TIE1: variants seen among roughly 807,000 people sequenced by gnomAD.
The protein encoded by TIE1 is tyrosine kinase with immunoglobulin like and EGF like domains 1, also known as tyrosine-protein kinase receptor Tie-1.
Under a neutral mutation model 130.5 loss-of-function variants are expected in TIE1, and 89 were observed. The observed-to-expected ratio is 0.68, with a 90% CI of 0.57 to 0.81. The LOEUF (loss-of-function observed/expected upper bound fraction) is 0.81. TIE1 is among the 40% of genes least tolerant of loss of function. The pLI, the probability that TIE1 is intolerant of heterozygous loss-of-function variation, is 0.00. For missense variants in TIE1, 1,392 were observed against 1,559.8 expected, an observed-to-expected ratio of 0.89 and a Z score of 1.81; for synonymous variants, 568 against 629.4, an observed-to-expected ratio of 0.90 and a Z score of 1.46.
chr1:43,307,347 T>G lies in TIE1; in HGVS notation c.772+74T>G, dbSNP rs2153910749. ...GGAGAAGACCCTAGAACCATGTGGGTGGAGCTTGGAGGGTAAGGGCGACAG... is the reference window on the plus strand; with the variant it reads ...GGAGAAGACCCTAGAACCATGTGGGGGGAGCTTGGAGGGTAAGGGCGACAG... On this transcript the variant is annotated intron_variant, in intron 5 of 22. Coordinates refer to ENST00000372476, the MANE Select transcript of TIE1 (RefSeq NM_005424.5). The surrounding 1 kb of genome is among the most constrained non-coding windows in gnomAD (Gnocchi z 5.4). 9 of 1,611,282 alleles carry G rather than the reference T, an allele frequency of 5.6e-6. No homozygotes were observed. The highest frequency in any genetic ancestry group is 7.6e-6 in the Non-Finnish European group (9 of 1,178,134).
At chr1:43,310,621 G>A (rs999325911) in intron 9 of TIE1, among the ~76,000 whole-genome samples, 10 of 152,236 alleles carry the variant, frequency 6.6e-5, no homozygotes, top group African/African-American at 2.4e-4. Context: ...CAGATCATTT[G>A]GTGGGGACTC....
Position 43,312,000 on chromosome 1 carries a change from C to T in TIE1, c.1499C>T (p.Pro500Leu), listed in dbSNP as rs928276112. Reference sequence around the variant, plus strand: ...CTTTACACCCCACGCCCAGTGGACCCCAGTGAGAACGTGACGTTAATGAAC... The same window carrying T: ...CTTTACACCCCACGCCCAGTGGACCTCAGTGAGAACGTGACGTTAATGAAC... ...TMDWSTIVVDPSENVTLMNLR... is the reference protein window; with the variant it reads ...TMDWSTIVVDLSENVTLMNLR... The change falls in exon 11 of 23, where the codon CCC becomes CTC. Residue 500 changes from proline to leucine, a missense_variant. Pro to Leu is a moderately conservative substitution (Grantham distance 98, BLOSUM62 -3). Coordinates refer to ENST00000372476, the MANE Select transcript of TIE1 (RefSeq NM_005424.5). 1 of 1,589,398 alleles carries T rather than the reference C, an allele frequency of 6.3e-7. No individual in the cohort carries two copies. The highest frequency in any genetic ancestry group is 1.3e-5 in the African/African-American group (1 of 74,370).
chr1:43,313,260 G>A lies in TIE1; in HGVS notation c.2053G>A (p.Gly685Arg), dbSNP rs909611493. 14 of 1,614,026 alleles carry A rather than the reference G, an allele frequency of 8.7e-6. No homozygotes were observed. Among genetic ancestry groups the A allele is most frequent in the Admixed American group, 1.7e-5 (1 of 60,014 alleles). Residue 685 changes from glycine (G) to arginine (R), a missense_variant, in exon 13 of 23, where the codon GGG (glycine) becomes AGG (arginine). Gly to Arg is a moderately radical substitution (Grantham distance 125). Around this residue, in one of 6 missense-constraint regions of TIE1, gnomAD observed 551 missense variants for 565.5 expected, o/e 0.97. Transcript: ENST00000372476. This position sits in a 1 kb window ranked among gnomAD's most constrained non-coding sequence, Gnocchi z 6.2. The part of the protein sequence containing the change: ...SKYVVEVQVA[G>R]GAGDPLWIDV... ...GTACGTTGTGGAGGTGCAGGTGGCT[G>A]GGGGTGCAGGAGACCCACTGTGGAT...
rs777494929 is a variant in TIE1 at position 43,317,272 on chromosome 1, C to T, written c.2483C>T (p.Pro828Leu). The T allele has an allele frequency of 1.9e-6, 3 of 1,614,198 alleles. No homozygotes were observed. In the Admixed American group the frequency reaches 5.0e-5, roughly 27 times the overall value. The change falls in exon 15 of 23, where the codon CCC (proline) becomes CTC (leucine). Residue 828 changes from proline to leucine, a missense_variant. Around this residue, in one of 6 missense-constraint regions of TIE1, gnomAD observed 286 missense variants for 354.4 expected, o/e 0.81. Coordinates refer to ENST00000372476, the MANE Select transcript of TIE1 (RefSeq NM_005424.5). This position sits in a 1 kb window ranked among gnomAD's most constrained non-coding sequence, Gnocchi z 5.1. ...CGGCGGCCAAAACTGCAGCCCGAGCCCCTGAGCTACCCAGTGCTAGAGTGG... is the reference window on the plus strand; with the variant it reads ...CGGCGGCCAAAACTGCAGCCCGAGCTCCTGAGCTACCCAGTGCTAGAGTGG... The part of the protein sequence containing the change: ...LTRRPKLQPE[P>L]LSYPVLEWED...
chr1:43,310,408 A>G (rs1646777335), intron 9 of TIE1, among the ~76,000 whole-genome samples: 1 of 152,308 alleles, frequency 6.6e-6, no homozygotes, highest in African/African-American at 2.4e-5. Flanking sequence ...TGAAATGGGG[A>G]TAGCTAGCAC....
rs149631384 is a variant in TIE1, at chr1:43,313,207, C to T, written c.2000C>T (p.Pro667Leu). The change falls in exon 13 of 23, where the codon CCG becomes CTG. Residue 667 changes from proline to leucine, a missense_variant. Pro to Leu is a moderately conservative substitution (Grantham distance 98). Around this residue, in one of 6 missense-constraint regions of TIE1, gnomAD observed 551 missense variants for 565.5 expected, o/e 0.97. Transcript: ENST00000372476. The surrounding 1 kb of genome is among the most constrained non-coding windows in gnomAD (Gnocchi z 6.2). ...GAGATCCAGCTGACATGGAAGCACC[C>T]GGAGGCTCTGCCTGGGCCAATATCC... ...DSEIQLTWKH[P>L]EALPGPISKY... 6.2e-6 allele frequency: 10 copies of T among 1,613,788 alleles called. No homozygotes were observed. Among genetic ancestry groups the T allele is most frequent in the Non-Finnish European group, 8.5e-6 (10 of 1,179,898 alleles).
Position 43,321,661 on chromosome 1 carries a change from A to T in TIE1, c.3291A>T (p.Arg1097=), listed in dbSNP as rs111252191. 1.3e-6 allele frequency: 2 copies of T among 1,552,228 alleles called. No homozygotes were observed. Among genetic ancestry groups the T allele is most frequent in the East Asian group, 2.4e-5 (1 of 41,062 alleles). ...RQCWRDRPYE[R]PPFAQIALQL... ...GCTGGCGGGACCGTCCCTATGAGCG[A>T]CCCCCCTTTGCCCAGATTGCGCTAC... Residue 1097 remains arginine, a synonymous_variant, in exon 22 of 23, where the codon CGA becomes CGT. Coordinates refer to ENST00000372476, the MANE Select transcript of TIE1 (RefSeq NM_005424.5).
At chr1:43,310,117 C>T (rs532103206) in intron 9 of TIE1, among the ~76,000 whole-genome samples, 1 of 152,148 alleles carries the variant, frequency 6.6e-6, no homozygotes, top group Non-Finnish European at 1.5e-5. Flanking sequence ...CCCTGCCACC[C>T]CCTGACCCTG....
Position 43,305,113 on chromosome 1 carries a change from CG to C in TIE1, c.323del (p.Gly108ValfsTer29), listed in dbSNP as rs1217222120. On this transcript the variant is annotated frameshift_variant, in exon 2 of 23. Coordinates refer to ENST00000372476, the MANE Select transcript of TIE1 (RefSeq NM_005424.5). LOFTEE classifies it high-confidence loss of function. Reference sequence around the variant, plus strand: ...TCGTGGGCGTCTTCTCCTGCGTGGGCGGTGCTGGGGCGCGGCGCACGCGCGT... The same window carrying C: ...TCGTGGGCGTCTTCTCCTGCGTGGGCGTGCTGGGGCGCGGCGCACGCGCGT... ...DLVGVFSCVG[G>X]AGARRTRVIY... 6.2e-7 allele frequency: 1 copy of C among 1,613,354 alleles called. No individual in the cohort carries two copies. Among genetic ancestry groups the C allele is most frequent in the Non-Finnish European group, 8.5e-7 (1 of 1,179,720 alleles).
At chr1:43,304,181 C>T (rs1646698967) in intron 1 of TIE1, among the ~76,000 whole-genome samples, 1 of 152,216 alleles carries the variant, frequency 6.6e-6, no homozygotes, top group Non-Finnish European at 1.5e-5. Context: ...AGGATCCTCC[C>T]ACCTCTGCCT....
rs1378901160 is a variant in TIE1 at position 43,313,775 on chromosome 1, C to T, written c.2219-3C>T. ...CACAATCTGCCCCTCTCACTGTGTC[C>T]AGGGCTGCAGGCTGAGGGCCCAGTC... is the stretch of plus-strand genomic sequence containing the variant. On this transcript the variant is annotated splice_polypyrimidine_tract_variant and splice_region_variant and intron_variant, in intron 13 of 22. Transcript: ENST00000372476. The surrounding 1 kb of genome is among the most constrained non-coding windows in gnomAD (Gnocchi z 6.2). 3 of 1,610,364 alleles carry T rather than the reference C, an allele frequency of 1.9e-6. No individual in the cohort carries two copies. The highest frequency in any genetic ancestry group is 1.7e-5 in the Admixed American group (1 of 59,766).
At chr1:43,311,635 C>G in intron 9 of TIE1, 36 bp from the exon 10 acceptor site, 4 of 1,595,978 alleles carry the variant, frequency 2.5e-6, no homozygotes, top group Non-Finnish European at 3.4e-6. Flanking sequence ...ACTGGATAGG[C>G]TGTGTGCCCA....
intron 1 of TIE1, among the ~76,000 whole-genome samples, chr1:43,304,051 G>T (rs925441593): frequency 1.3e-5 from 2 of 151,786 alleles, no homozygotes; most frequent in Non-Finnish European, 2.9e-5. Flanking sequence ...TTGCCCTGGG[G>T]CTGCCCTCCC....
chr1:43,318,404 GA>G lies in TIE1; in HGVS notation c.2922+333del, dbSNP rs1646881999. ...AATGGGCCTGGTGCGATCTGCCGGA[GA>G]GGGGGAAGGGCAGAGATCCAAGCCC... On this transcript the variant is annotated intron_variant, in intron 17 of 22. Transcript: ENST00000372476. The surrounding 1 kb of genome is among the most constrained non-coding windows in gnomAD (Gnocchi z 4.4). 6.6e-6 allele frequency among the ~76,000 whole-genome samples: 1 copy of G among 152,198 alleles called. No individual in the cohort carries two copies. The highest frequency in any genetic ancestry group is 2.4e-5 in the African/African-American group (1 of 41,444).
At chr1:43,311,638 T>A in intron 9 of TIE1, 33 bp from the exon 10 acceptor site, 1 of 1,598,324 alleles carries the variant, frequency 6.3e-7, no homozygotes, top group Non-Finnish European at 8.5e-7. Context: ...GGATAGGCTG[T>A]GTGCCCATGC....
At position 43,312,053 on chromosome 1, in the gene TIE1, CG is replaced by C; in HGVS notation, c.1553del (p.Arg518LeufsTer4). On this transcript the variant is annotated frameshift_variant, in exon 11 of 23. Transcript: ENST00000372476. LOFTEE classifies it high-confidence loss of function. The surrounding 1 kb of genome is among the most constrained non-coding windows in gnomAD (Gnocchi z 5.6). ...NLRPKTGYSVRVQLSRPGEGG... is the reference protein window; with the variant it reads ...NLRPKTGYSVXVQLSRPGEGG... ...GAGGCCAAAGACAGGATACAGTGTT[CG>C]TGTGCAGCTGAGCCGGCCAGGGGAA... 6.2e-7 allele frequency: 1 copy of C among 1,607,844 alleles called. No individual in the cohort carries two copies. Among genetic ancestry groups the C allele is most frequent in the Non-Finnish European group, 8.5e-7 (1 of 1,176,088 alleles).
chr1:43,305,040 A>T lies in TIE1; in HGVS notation c.248A>T (p.Asn83Ile), dbSNP rs1469641942. Residue 83 changes from asparagine (N) to isoleucine (I), a missense_variant, in exon 2 of 23, where the codon AAC becomes ATC. Asn to Ile is a moderately radical substitution (Grantham distance 149). This residue lies in a region of TIE1 where 415 missense variants were observed against 424.8 expected (regional missense o/e 0.98). Transcript: ENST00000372476. ...PPGPPLRLARNGSHQVTLRGF... is the reference protein window; with the variant it reads ...PPGPPLRLARIGSHQVTLRGF... ...GGGCCACCCCTGCGCCTGGCGCGCA[A>T]CGGTTCGCACCAGGTCACGCTTCGC... The T allele has an allele frequency of 1.9e-5, 30 of 1,595,476 alleles. No homozygotes were observed. In the East Asian group the frequency reaches 6.8e-4, roughly 36 times the overall value.
chr1:43,307,734 T>C lies in TIE1; in HGVS notation c.914-62T>C. ...TATAACCTGTGCCCCATCTGCGCCC[T>C]CATCTGTGCCCTCATTGCCCCCTGT... On this transcript the variant is annotated intron_variant, in intron 6 of 22. Coordinates refer to ENST00000372476, the MANE Select transcript of TIE1 (RefSeq NM_005424.5). The surrounding 1 kb of genome is among the most constrained non-coding windows in gnomAD (Gnocchi z 5.4). 1.9e-6 allele frequency: 3 copies of C among 1,607,536 alleles called. No homozygotes were observed. Among genetic ancestry groups the C allele is most frequent in the Non-Finnish European group, 2.6e-6 (3 of 1,175,354 alleles).
chr1:43,314,304 T>C (rs963251397), intron 14 of TIE1: 95 of 1,041,826 alleles, frequency 9.1e-5, no homozygotes, highest in Non-Finnish European at 1.1e-4. Context: ...TATTTCTCCC[T>C]AGCGGTTATC....
Sources: allele counts gnomAD v4.1 joint callset (sites outside exome capture counted in the v4.1 genomes callset), GRCh38; gene constraint gnomAD v4.1.1; regional missense constraint gnomAD v4.1.1; non-coding constraint Gnocchi (gnomAD v3.1); transcripts MANE v1.5; gene names NCBI Gene and HGNC (gene_info 2026-07-23, HGNC 2026-07-21).